The following CAMTA1 variants were observed in gnomAD, a reference collection of about 807,000 sequenced individuals.
The protein encoded by CAMTA1 is calmodulin-binding transcription activator 1.
Under a neutral mutation model 170.9 loss-of-function variants are expected in CAMTA1, and 27 were observed. The observed-to-expected ratio is 0.16, with a 90% CI of 0.12 to 0.22. CAMTA1 has a LOEUF of 0.22. Among genes scored for constraint, CAMTA1 ranks in the 10% least tolerant of loss-of-function variants. The pLI, the probability that CAMTA1 is intolerant of heterozygous loss-of-function variation, is 1.00. For missense variants in CAMTA1, 1,619 were observed against 2,217.2 expected, an observed-to-expected ratio of 0.73 and a Z score of 5.42; for synonymous variants, 833 against 891.5, an observed-to-expected ratio of 0.93 and a Z score of 1.17.
intron 5 of CAMTA1, among the ~76,000 whole-genome samples, chr1:7,312,447 A>C (rs1287222744): frequency 6.6e-6 from 1 of 152,162 alleles, no homozygotes; most frequent in Non-Finnish European, 1.5e-5. Flanking sequence ...CCTGGAGTCC[A>C]GACTCAGGGA....
intron 2 of CAMTA1, 44 bp from the exon 3 acceptor site, chr1:6,825,048 T>A (rs761250458): frequency 8.4e-7 from 1 of 1,184,042 alleles, no homozygotes. Flanking sequence ...TAAAGGAGAT[T>A]TTATCTATTA....
At position 7,756,539 on chromosome 1, in the gene CAMTA1, G is replaced by A. The variant is rs569853203; in HGVS notation, c.4989+871G>A. 8.5e-5 allele frequency among the ~76,000 whole-genome samples: 13 copies of A among 152,236 alleles called. No individual in the cohort carries two copies. In the South Asian group the frequency reaches 2.3e-3, roughly 27 times the overall value. On this transcript the variant is annotated intron_variant, in intron 22 of 22. Transcript: ENST00000303635. The stretch of plus-strand genomic sequence containing the variant: ...AATTATAATAAAAGATTTAGTGTCC[G>A]AAAACCATTTTTTCAAAGCCAGGAA...
chr1:6,856,224 T>C (rs1278903000), intron 3 of CAMTA1, among the ~76,000 whole-genome samples: 1 of 150,636 alleles, frequency 6.6e-6, no homozygotes, highest in Non-Finnish European at 1.5e-5. Context: ...ATTAACACAA[T>C]GTAGAGCAAT....
At chr1:7,166,609 CT>C (rs2148800172) in intron 4 of CAMTA1, among the ~76,000 whole-genome samples, 1 of 152,268 alleles carries the variant, frequency 6.6e-6, no homozygotes, top group African/African-American at 2.4e-5. Flanking sequence ...TGGGTTTCTT[CT>C]GTGAATTGCC....
chr1:6,798,584 AT>A (rs548325478), intron 1 of CAMTA1, among the ~76,000 whole-genome samples: 1,203 of 117,616 alleles, frequency 0.01, 37 homozygotes, highest in African/African-American at 0.036. Flanking sequence ...CACCTGGCTA[AT>A]TTTTTTTTTT....
chr1:6,843,437 A>G (rs1656692239), intron 3 of CAMTA1, among the ~76,000 whole-genome samples: 1 of 152,230 alleles, frequency 6.6e-6, no homozygotes, highest in African/African-American at 2.4e-5. Context: ...TGGTCAGGGA[A>G]AGATCCAGAA....
At chr1:6,904,512 T>C (rs1000695805) in intron 3 of CAMTA1, among the ~76,000 whole-genome samples, 2 of 151,828 alleles carry the variant, frequency 1.3e-5, no homozygotes, top group African/African-American at 2.4e-5. Flanking sequence ...ATCTTTAGGC[T>C]CTCCTCCCCT....
rs150735793 is a variant in CAMTA1, at chr1:6,862,785, G to A, written c.234+37575G>A. Among the ~76,000 whole-genome samples the A allele has an allele frequency of 4.0e-3, 604 of 152,232 alleles. 8 individuals carry two copies. The highest frequency in any genetic ancestry group is 6.8e-3 in the Middle Eastern group (2 of 294). ...TGGAATTTCCCCAGAGCTTGACCCT[G>A]GGCCTTCTGTCTGTGACCATTAAAT... On this transcript the variant is annotated intron_variant, in intron 3 of 22. Transcript: ENST00000303635.
At chr1:7,215,161 A>G (rs1659533667) in intron 4 of CAMTA1, among the ~76,000 whole-genome samples, 1 of 151,660 alleles carries the variant, frequency 6.6e-6, no homozygotes, top group Admixed American at 6.6e-5. Context: ...TGATTATCCT[A>G]TTTTTTAAAA....
At chr1:6,898,594 TC>T (rs1266418955) in intron 3 of CAMTA1, among the ~76,000 whole-genome samples, 3 of 152,150 alleles carry the variant, frequency 2.0e-5, no homozygotes, top group Non-Finnish European at 4.4e-5. Context: ...AAATTCTGTC[TC>T]CAGGCAGATA....
At chr1:6,891,660 C>T (rs74051030) in intron 3 of CAMTA1, among the ~76,000 whole-genome samples, 2,084 of 152,218 alleles carry the variant, frequency 0.014, 44 homozygotes, top group African/African-American at 0.047. Flanking sequence ...GTAGCACCTG[C>T]ATCTTCAAAA....
At chr1:7,267,304 C>A (rs1235499340) in intron 5 of CAMTA1, among the ~76,000 whole-genome samples, 2 of 152,100 alleles carry the variant, frequency 1.3e-5, no homozygotes, top group African/African-American at 2.4e-5. Context: ...TCCATGAGTT[C>A]TTTGGCTTCA....
At chr1:7,631,648 G>A (rs1023507630) in intron 6 of CAMTA1, among the ~76,000 whole-genome samples, 1 of 152,196 alleles carries the variant, frequency 6.6e-6, no homozygotes, top group Admixed American at 6.5e-5. Flanking sequence ...AGGGAAGAGA[G>A]ACCCAAGGAG....
At chr1:7,253,101 G>A (rs2149319233) in intron 5 of CAMTA1, among the ~76,000 whole-genome samples, 1 of 152,280 alleles carries the variant, frequency 6.6e-6, no homozygotes, top group East Asian at 1.9e-4. Flanking sequence ...GGAAAAAGAG[G>A]GTGGTTGCGA....
intron 4 of CAMTA1, among the ~76,000 whole-genome samples, chr1:7,102,929 C>T (rs959473967): frequency 2.0e-5 from 3 of 152,186 alleles, no homozygotes; most frequent in Non-Finnish European, 2.9e-5. Context: ...CGGTGAATAC[C>T]TTCCGACTGC....
Position 6,842,463 on chromosome 1 carries a change from A to G in CAMTA1, c.234+17253A>G, listed in dbSNP as rs970615105. ...ATATCACGACCTGGGCCCTACCACA[A>G]ACTAATTCAACTGGAGTCTCAGGGA... On this transcript the variant is annotated intron_variant, in intron 3 of 22. Coordinates refer to ENST00000303635, the MANE Select transcript of CAMTA1 (RefSeq NM_015215.4). 2.6e-5 allele frequency among the ~76,000 whole-genome samples: 4 copies of G among 152,244 alleles called. No individual in the cohort carries two copies. The East Asian group carries it at 7.7e-4, about 29-fold the overall frequency.
chr1:6,903,543 C>G (rs1246793154), intron 3 of CAMTA1, among the ~76,000 whole-genome samples: 1 of 152,178 alleles, frequency 6.6e-6, no homozygotes, highest in African/African-American at 2.4e-5. Context: ...TTGGCATTAT[C>G]CAGTATTTTA....
chr1:6,847,047 A>G (rs1658454192), intron 3 of CAMTA1, among the ~76,000 whole-genome samples: 2 of 150,488 alleles, frequency 1.3e-5, no homozygotes, highest in Non-Finnish European at 3.0e-5. Context: ...TCTATCTCCC[A>G]GGCTGGAGTG....
intron 4 of CAMTA1, among the ~76,000 whole-genome samples, chr1:7,231,839 G>T (rs746825322): frequency 6.6e-6 from 1 of 152,224 alleles, no homozygotes; most frequent in Non-Finnish European, 1.5e-5. Flanking sequence ...TATTGAACAG[G>T]ATTGTGCAGG....
Sources: gnomAD v4.1 joint callset for allele counts (sites outside exome capture counted in the v4.1 genomes callset) on GRCh38, gnomAD v4.1.1 for gene constraint, MANE v1.5 for transcripts, NCBI Gene and HGNC (gene_info 2026-07-23, HGNC 2026-07-21) for gene names.